The following SCG5 variants were observed in gnomAD, a reference collection of about 807,000 sequenced individuals.
SCG5 encodes neuroendocrine protein 7B2.
Under a neutral mutation model 25.7 loss-of-function variants are expected in SCG5, and 18 were observed. The observed-to-expected ratio is 0.70, with a 90% confidence interval of 0.48 to 1.04. The LOEUF (loss-of-function observed/expected upper bound fraction) is 1.04, where lower values mean the gene tolerates loss of function less well. Among genes scored for constraint, SCG5 ranks in the 50% least tolerant of loss-of-function variants. The probability of loss-of-function intolerance (pLI) is 0.00; values close to 1 mark genes in which losing one functional copy is unlikely to be tolerated. For synonymous variants in SCG5, 101 were observed against 91.7 expected (o/e 1.10, Z -0.58); for missense variants, 206 against 259.8 (o/e 0.79, Z 1.42).
At chr15:32,688,566 A>G (rs1283567146) in intron 4 of SCG5, among the ~76,000 whole-genome samples, 1 of 152,174 alleles carries the variant, frequency 6.6e-6, no homozygotes. Flanking sequence ...AGTATTTTAC[A>G]TCAGCAAGCA....
intron 2 of SCG5, among the ~76,000 whole-genome samples, chr15:32,658,290 A>G (rs2054159344): frequency 6.6e-6 from 1 of 152,008 alleles, no homozygotes; most frequent in Admixed American, 6.6e-5. Flanking sequence ...CCTACTAGAT[A>G]GAAGCTGAGA....
At chr15:32,657,712 C>A (rs1015027411) in intron 2 of SCG5, among the ~76,000 whole-genome samples, 37 of 152,186 alleles carry the variant, frequency 2.4e-4, no homozygotes, top group Admixed American at 9.8e-4. Flanking sequence ...GATCGGTACA[C>A]TTCCTTGAAC....
intron 2 of SCG5, among the ~76,000 whole-genome samples, chr15:32,648,387 T>A (rs748009596): frequency 6.6e-6 from 1 of 152,188 alleles, no homozygotes; most frequent in Non-Finnish European, 1.5e-5. Flanking sequence ...CCTTTTCGAT[T>A]GTTCTTCACA....
chr15:32,696,611 G>A lies in SCG5; in HGVS notation c.*2G>A. 3 of 1,606,878 alleles carry A rather than the reference G, an allele frequency of 1.9e-6. No individual in the cohort carries two copies. Among genetic ancestry groups the A allele is most frequent in the Non-Finnish European group, 1.7e-6 (2 of 1,174,518 alleles). ...GATGAGGATAAGGATCCAGAGTAAA[G>A]AGAAGATGCTAGACGAAAACCCACA... On this transcript the variant is annotated 3_prime_UTR_variant, in exon 6 of 6. Transcript: ENST00000300175.
At chr15:32,693,630 G>A (rs1157273228) in intron 5 of SCG5, among the ~76,000 whole-genome samples, 3 of 152,208 alleles carry the variant, frequency 2.0e-5, no homozygotes, top group East Asian at 3.8e-4. Flanking sequence ...GAACAATGAA[G>A]TCTTCCTTCA....
intron 1 of SCG5, 129 bp downstream of exon 1, chr15:32,641,907 G>A (rs564180131): frequency 6.6e-6 from 1 of 152,410 alleles, no homozygotes; most frequent in East Asian, 1.9e-4. Flanking sequence ...ATGCGTAGGG[G>A]ATTAGAATGT....
At chr15:32,649,200 C>T (rs762043616) in intron 2 of SCG5, among the ~76,000 whole-genome samples, 4 of 152,176 alleles carry the variant, frequency 2.6e-5, no homozygotes, top group Non-Finnish European at 5.9e-5. Context: ...ACATAGTAAG[C>T]ATTCAGTAAA....
intron 2 of SCG5, among the ~76,000 whole-genome samples, chr15:32,644,053 G>A (rs1243664704): frequency 2.6e-5 from 4 of 152,076 alleles, no homozygotes; most frequent in Non-Finnish European, 5.9e-5. Context: ...GTGAGAGCAG[G>A]GACCTTATCT....
chr15:32,663,369 T>C (rs1158672826), intron 2 of SCG5, among the ~76,000 whole-genome samples: 1 of 151,918 alleles, frequency 6.6e-6, no homozygotes. Context: ...CTACTTTCTA[T>C]GTCTGTGAAT....
intron 2 of SCG5, among the ~76,000 whole-genome samples, chr15:32,660,054 G>A (rs1033267440): frequency 3.9e-5 from 6 of 152,306 alleles, no homozygotes; most frequent in South Asian, 4.1e-4. Context: ...GACAGTAAAT[G>A]ATACATAATA....
At chr15:32,677,135 A>G (rs894321144) in intron 2 of SCG5, among the ~76,000 whole-genome samples, 4 of 152,208 alleles carry the variant, frequency 2.6e-5, no homozygotes, top group African/African-American at 9.6e-5. Flanking sequence ...TTAAATGCAG[A>G]TATTTTACAG....
intron 5 of SCG5, among the ~76,000 whole-genome samples, chr15:32,695,236 C>T (rs1250104375): frequency 3.9e-5 from 6 of 151,978 alleles, no homozygotes; most frequent in African/African-American, 9.7e-5. Context: ...AGGATGGTCT[C>T]GATCTCCTGA....
intron 4 of SCG5, among the ~76,000 whole-genome samples, chr15:32,691,305 G>T (rs2054850958): frequency 6.6e-6 from 1 of 152,186 alleles, no homozygotes; most frequent in Non-Finnish European, 1.5e-5. Flanking sequence ...GGGGATTGTT[G>T]TTAATAGTCA....
chr15:32,648,485 G>A (rs1567069370), intron 2 of SCG5, among the ~76,000 whole-genome samples: 1 of 152,006 alleles, frequency 6.6e-6, no homozygotes, highest in Non-Finnish European at 1.5e-5. Context: ...CAATTCCATT[G>A]GTGGCTTCCC....
chr15:32,693,335 T>C (rs532419570), intron 5 of SCG5, among the ~76,000 whole-genome samples: 1 of 152,242 alleles, frequency 6.6e-6, no homozygotes, highest in Admixed American at 6.5e-5. Context: ...TATAAAGGAT[T>C]TTACTTTAGC....
intron 2 of SCG5, among the ~76,000 whole-genome samples, chr15:32,673,591 G>C (rs939015751): frequency 4.0e-5 from 6 of 150,172 alleles, no homozygotes; most frequent in Non-Finnish European, 1.5e-5. Flanking sequence ...AATTAGAAGA[G>C]ACTTGCAGGG....
In SCG5 at chr15:32,696,832, A is replaced by G. The variant is rs2054977610; in HGVS notation, c.*223A>G. Reference sequence around the variant, plus strand: ...TGTTTCTTGGGTTTTTAAAATGTGAATCTGCAATGATCATAAAAATTAAAA... The same window carrying G: ...TGTTTCTTGGGTTTTTAAAATGTGAGTCTGCAATGATCATAAAAATTAAAA... On this transcript the variant is annotated 3_prime_UTR_variant, in exon 6 of 6. Transcript: ENST00000300175. The G allele has an allele frequency of 1.3e-5, 5 of 390,806 alleles. No individual in the cohort carries two copies. Among genetic ancestry groups the G allele is most frequent in the Non-Finnish European group, 1.4e-5 (3 of 217,886 alleles). 24.2% of individuals were successfully genotyped at this position (390,806 alleles called of 1,614,324 possible).
chr15:32,653,413 A>G (rs1017989693), intron 2 of SCG5, among the ~76,000 whole-genome samples: 2 of 152,230 alleles, frequency 1.3e-5, no homozygotes, highest in Non-Finnish European at 2.9e-5. Context: ...TCCTTGTGAA[A>G]TATTCACTTC....
intron 5 of SCG5, among the ~76,000 whole-genome samples, chr15:32,696,255 C>T (rs574215481): frequency 6.6e-5 from 10 of 152,178 alleles, no homozygotes; most frequent in Admixed American, 1.3e-4. Context: ...GTAGCTGGGA[C>T]TACAGGCACC....
Sources: allele counts gnomAD v4.1 joint callset (sites outside exome capture counted in the v4.1 genomes callset), GRCh38; gene constraint gnomAD v4.1.1; transcripts MANE v1.5; gene names NCBI Gene and HGNC (gene_info 2026-07-23, HGNC 2026-07-21).